Variants in MYO1H observed in about 807,000 individuals in gnomAD.
MYO1H encodes the protein unconventional myosin-Ih.
A neutral mutation model predicts 149.3 loss-of-function variants in MYO1H; 118 were observed. The ratio of observed to expected loss-of-function variants is 0.79; its 90% CI spans 0.68 to 0.92. The LOEUF is 0.92. Ranked by LOEUF, MYO1H falls within the 40% of genes least tolerant of loss-of-function variation. The pLI is 0.00. For missense variants in MYO1H, 1,212 were observed against 1,280.7 expected, an observed-to-expected ratio of 0.95 and a Z score of 0.82; for synonymous variants, 447 against 465.2, an observed-to-expected ratio of 0.96 and a Z score of 0.50.
the MYO1H span, among the ~76,000 whole-genome samples, chr12:109,328,141 C>CATATATAT: frequency 2.1e-5 from 3 of 142,596 alleles, no homozygotes; most frequent in African/African-American, 8.2e-5. Context: ...CACACACACG[C>CATATATAT]ATATATATAT....
intron 1 of MYO1H, among the ~76,000 whole-genome samples, chr12:109,368,277 A>G (rs1371788007): frequency 6.6e-6 from 1 of 152,248 alleles, no homozygotes; most frequent in Non-Finnish European, 1.5e-5. Context: ...TGCCTAAAGC[A>G]GGGCTTGAGA....
At chr12:109,434,378 C>T (rs1871769648) in intron 20 of MYO1H, among the ~76,000 whole-genome samples, 1 of 152,094 alleles carries the variant, frequency 6.6e-6, no homozygotes, top group Non-Finnish European at 1.5e-5. Context: ...CCTGTAATCC[C>T]AGCTACTCGG....
intron 1 of MYO1H, among the ~76,000 whole-genome samples, chr12:109,360,117 C>CT (rs574102302): frequency 0.075 from 10,222 of 136,084 alleles, 1,104 homozygotes; most frequent in African/African-American, 0.25. Flanking sequence ...TTTCTTCTTT[C>CT]TTTTTTTTTT....
intron 14 of MYO1H, among the ~76,000 whole-genome samples, chr12:109,414,874 A>C (rs1481557775): frequency 6.6e-6 from 1 of 151,730 alleles, no homozygotes; most frequent in African/African-American, 2.4e-5. Flanking sequence ...ACTCCCAGCT[A>C]ATTCTTTGTA....
At chr12:109,340,905 G>A in the MYO1H span, among the ~76,000 whole-genome samples, 1 of 152,096 alleles carries the variant, frequency 6.6e-6, no homozygotes, top group Non-Finnish European at 1.5e-5. Flanking sequence ...TCCTTTTCAT[G>A]GCCAGGCTCA....
intron 8 of MYO1H, 67 bp from the exon 9 acceptor site, chr12:109,406,722 A>C: frequency 6.8e-7 from 1 of 1,478,510 alleles, no homozygotes; most frequent in South Asian, 1.1e-5. Flanking sequence ...CCTTGTCTCT[A>C]AAAAAATAAT....
At chr12:109,414,498 GAAAAAAAAAAT>G (rs1870819389) in intron 14 of MYO1H, among the ~76,000 whole-genome samples, 1 of 132,408 alleles carries the variant, frequency 7.6e-6, no homozygotes, top group Admixed American at 7.5e-5. Flanking sequence ...AAAAAAGAAA[GAAAAAAAAAAT>G]CAAGAATCTG....
At chr12:109,323,728 A>G in the MYO1H span, among the ~76,000 whole-genome samples, 1 of 152,212 alleles carries the variant, frequency 6.6e-6, no homozygotes, top group South Asian at 2.1e-4. Context: ...GGGTATGGAA[A>G]GCAGTAACGA....
chr12:109,365,843 C>G (rs1033483293), intron 1 of MYO1H, among the ~76,000 whole-genome samples: 1 of 152,090 alleles, frequency 6.6e-6, no homozygotes, highest in Non-Finnish European at 1.5e-5. Flanking sequence ...GGACTGGTAC[C>G]GGTCCGTGGC....
At chr12:109,318,972 G>GTTTT in the MYO1H span, among the ~76,000 whole-genome samples, 3 of 77,266 alleles carry the variant, frequency 3.9e-5, no homozygotes, top group East Asian at 5.2e-4. Context: ...TTTTGGTTTT[G>GTTTT]TTTTTTTTTT....
intron 31 of MYO1H, chr12:109,445,882 C>T: frequency 1.0e-6 from 1 of 985,358 alleles, no homozygotes; most frequent in African/African-American, 1.7e-5. Context: ...ATAGCAGAGT[C>T]TAACTTTTCA....
chr12:109,395,234 T>C (rs1007115142), intron 3 of MYO1H, among the ~76,000 whole-genome samples: 1 of 152,242 alleles, frequency 6.6e-6, no homozygotes, highest in African/African-American at 2.4e-5. Context: ...TTTGGTTTCC[T>C]GCCACTCCAT....
intron 1 of MYO1H, among the ~76,000 whole-genome samples, chr12:109,350,214 T>G (rs7968387): frequency 0.46 from 70,006 of 151,802 alleles, 16,866 homozygotes; most frequent in African/African-American, 0.58. Context: ...GCAAATCATC[T>G]GGGCAGTTGC....
intron 1 of MYO1H, among the ~76,000 whole-genome samples, chr12:109,355,873 A>ATT (rs1241670326): frequency 9.6e-6 from 1 of 104,070 alleles, no homozygotes; most frequent in African/African-American, 4.5e-5. Flanking sequence ...ACGCCCAGCA[A>ATT]ATTTTTTTTT....
intron 27 of MYO1H, among the ~76,000 whole-genome samples, chr12:109,442,787 T>C (rs1466361936): frequency 1.6e-5 from 2 of 125,342 alleles, no homozygotes; most frequent in African/African-American, 6.6e-5. Context: ...TGTGTGCCAG[T>C]GTCTGCTCTT....
intron 7 of MYO1H, among the ~76,000 whole-genome samples, 155 bp from the exon 8 acceptor site, chr12:109,405,767 A>G (rs1870351372): frequency 6.6e-6 from 1 of 152,146 alleles, no homozygotes; most frequent in African/African-American, 2.4e-5. Flanking sequence ...TTTCTGAGGA[A>G]GCAGGAGGGC....
At position 109,408,113 on chromosome 12, in the gene MYO1H, C is replaced by T. The variant is rs568296272; in HGVS notation, c.1155+200C>T. Among the ~76,000 whole-genome samples the T allele has an allele frequency of 2.0e-5, 3 of 152,258 alleles. No homozygotes were observed. The East Asian group carries it at 5.8e-4, about 29-fold the overall frequency. ...ATGACTTATACAATGTGTTCCAAAGCGTGCTGTGCATAGTGCTTGTGGTAT... is the reference window on the plus strand; with the variant it reads ...ATGACTTATACAATGTGTTCCAAAGTGTGCTGTGCATAGTGCTTGTGGTAT... On this transcript the variant is annotated intron_variant, in intron 10 of 31. Coordinates refer to ENST00000310903, the Ensembl canonical transcript of MYO1H.
intron 19 of MYO1H, among the ~76,000 whole-genome samples, chr12:109,428,278 G>A (rs77892255): frequency 0.052 from 7,950 of 152,132 alleles, 272 homozygotes; most frequent in Non-Finnish European, 0.07. Context: ...ATTTGTGACC[G>A]TAGGGCCTGG....
chr12:109,406,463 C>A (rs1870392205), intron 8 of MYO1H, among the ~76,000 whole-genome samples: 1 of 70,308 alleles, frequency 1.4e-5, no homozygotes, highest in Non-Finnish European at 2.5e-5. Context: ...GAGACCCTAT[C>A]TCTTAAAAAA....
Sources: gnomAD v4.1 joint callset for allele counts (sites outside exome capture counted in the v4.1 genomes callset) on GRCh38, gnomAD v4.1.1 for gene constraint, MANE v1.5 for transcripts, NCBI Gene and HGNC (gene_info 2026-07-23, HGNC 2026-07-21) for gene names.